The following TRIM71 variants were observed in gnomAD, a reference collection of about 807,000 sequenced individuals.
TRIM71 encodes the protein E3 ubiquitin-protein ligase TRIM71.
A neutral mutation model predicts 61.2 loss-of-function variants in TRIM71; 9 were observed. The observed-to-expected ratio is 0.15, with a 90% confidence interval of 0.09 to 0.26. The LOEUF (loss-of-function observed/expected upper bound fraction) is 0.26. TRIM71 is among the 10% of genes least tolerant of loss of function. The pLI, the probability that TRIM71 is intolerant of heterozygous loss-of-function variation, is 1.00. For synonymous variants in TRIM71, 645 were observed against 553.2 expected (o/e 1.17, Z -2.33); for missense variants, 998 against 1,238.7 (o/e 0.81, Z 2.92).
At chr3:32,834,053 T>A (rs1040439646) in intron 1 of TRIM71, among the ~76,000 whole-genome samples, 1 of 152,162 alleles carries the variant, frequency 6.6e-6, no homozygotes, top group African/African-American at 2.4e-5. Flanking sequence ...TAAAACCACA[T>A]AGGTGCTGGA....
At chr3:32,821,420 C>T (rs1031085344) in intron 1 of TRIM71, among the ~76,000 whole-genome samples, 1 of 152,090 alleles carries the variant, frequency 6.6e-6, no homozygotes, top group Admixed American at 6.6e-5. Flanking sequence ...ACACCCTACC[C>T]CAGCCTGCAG....
chr3:32,832,499 TG>T (rs1052201177), intron 1 of TRIM71, among the ~76,000 whole-genome samples: 8 of 152,056 alleles, frequency 5.3e-5, no homozygotes, highest in African/African-American at 1.9e-4. Context: ...TAAGTTCAGA[TG>T]GGGAGATGAG....
chr3:32,875,468 G>C (rs1397377136), intron 2 of TRIM71, among the ~76,000 whole-genome samples: 1 of 152,186 alleles, frequency 6.6e-6, no homozygotes, highest in African/African-American at 2.4e-5. Flanking sequence ...CCCTCTAGGA[G>C]AAGAAAAATT....
At chr3:32,826,930 T>A (rs1559536981) in intron 1 of TRIM71, among the ~76,000 whole-genome samples, 1 of 151,710 alleles carries the variant, frequency 6.6e-6, no homozygotes, top group Non-Finnish European at 1.5e-5. Context: ...GCCCGGCTAA[T>A]TGTTTTTGTA....
At chr3:32,886,808 A>G (rs1696967486) in intron 3 of TRIM71, among the ~76,000 whole-genome samples, 1 of 152,154 alleles carries the variant, frequency 6.6e-6, no homozygotes, top group African/African-American at 2.4e-5. Flanking sequence ...AGTTTCTGCA[A>G]GTGAACTTTG....
intron 1 of TRIM71, among the ~76,000 whole-genome samples, chr3:32,861,671 A>G (rs977382871): frequency 7.2e-5 from 11 of 152,186 alleles, no homozygotes; most frequent in African/African-American, 2.7e-4. Context: ...TTACTTACAG[A>G]GAAAGATGTC....
intron 1 of TRIM71, among the ~76,000 whole-genome samples, chr3:32,822,082 C>T (rs114209930): frequency 6.6e-6 from 1 of 152,108 alleles, no homozygotes; most frequent in East Asian, 1.9e-4. Flanking sequence ...GAGGCGACAC[C>T]GGCAGCAGAA....
intron 1 of TRIM71, among the ~76,000 whole-genome samples, chr3:32,832,025 A>G (rs1696278382): frequency 6.6e-6 from 1 of 152,174 alleles, no homozygotes. Context: ...AGCAGTCTAC[A>G]TCCTGTTCCT....
intron 1 of TRIM71, among the ~76,000 whole-genome samples, chr3:32,864,628 T>C (rs1173217213): frequency 2.6e-5 from 4 of 152,152 alleles, no homozygotes; most frequent in Admixed American, 2.6e-4. Context: ...GTCAACAGGG[T>C]CCTGACACCC....
At chr3:32,831,162 G>A (rs116492029) in intron 1 of TRIM71, among the ~76,000 whole-genome samples, 6 of 152,106 alleles carry the variant, frequency 3.9e-5, no homozygotes, top group African/African-American at 1.2e-4. Context: ...GACCGTGGGG[G>A]ATTTTGGAGA....
chr3:32,864,416 CTGGTGGGCCA>C (rs1430054035), intron 1 of TRIM71, among the ~76,000 whole-genome samples: 1 of 152,150 alleles, frequency 6.6e-6, no homozygotes, highest in African/African-American at 2.4e-5. Context: ...AGGTGGTGGG[CTGGTGGGCCA>C]TGAGTTTGCC....
intron 1 of TRIM71, among the ~76,000 whole-genome samples, chr3:32,842,009 A>G (rs1372581696): frequency 6.6e-6 from 1 of 152,082 alleles, no homozygotes; most frequent in Non-Finnish European, 1.5e-5. Context: ...GCTTCTGAGC[A>G]CCTGTCTCTA....
chr3:32,848,512 A>G (rs1696500655), intron 1 of TRIM71, among the ~76,000 whole-genome samples: 1 of 152,176 alleles, frequency 6.6e-6, no homozygotes, highest in African/African-American at 2.4e-5. Context: ...CGAAGAAATA[A>G]GGGGATTGTC....
At chr3:32,819,601 G>T (rs904606121) in intron 1 of TRIM71, among the ~76,000 whole-genome samples, 3 of 152,194 alleles carry the variant, frequency 2.0e-5, no homozygotes, top group Admixed American at 6.5e-5. Flanking sequence ...CTCTGCGGCT[G>T]CTTCCTATAT....
intron 1 of TRIM71, among the ~76,000 whole-genome samples, chr3:32,852,136 C>T (rs372512917): frequency 2.0e-5 from 3 of 152,120 alleles, no homozygotes; most frequent in East Asian, 3.9e-4. Context: ...CGGCCTTGGA[C>T]CAAACTGGTC....
chr3:32,857,018 C>T lies in TRIM71; in HGVS notation c.853-16800C>T, dbSNP rs74916428. On this transcript the variant is annotated intron_variant, in intron 1 of 3. Transcript: ENST00000383763. The stretch of plus-strand genomic sequence containing the variant: ...AGAAGGACCACTCAACATTTGAACC[C>T]GGGTTTTCTGACTCCACAACACAAG... Among the ~76,000 whole-genome samples the T allele has an allele frequency of 1.0e-2, 1,522 of 152,238 alleles. 15 individuals carry two copies. Among genetic ancestry groups the T allele is most frequent in the Non-Finnish European group, 0.017 (1,179 of 68,024 alleles).
chr3:32,839,238 G>GT (rs200087991), intron 1 of TRIM71, among the ~76,000 whole-genome samples: 63 of 150,888 alleles, frequency 4.2e-4, no homozygotes, highest in Non-Finnish European at 7.4e-4. Context: ...AGTGACATGA[G>GT]TTTTTTTTTG....
intron 1 of TRIM71, among the ~76,000 whole-genome samples, chr3:32,851,718 G>C (rs916443485): frequency 1.3e-5 from 2 of 152,078 alleles, no homozygotes; most frequent in Non-Finnish European, 2.9e-5. Flanking sequence ...ATCTCAGGTG[G>C]TCTGCCTGCC....
Position 32,818,308 on chromosome 3 carries a change from G to A in TRIM71, c.228G>A (p.Pro76=), listed in dbSNP as rs2125671776. The A allele has an allele frequency of 7.0e-7, 1 of 1,433,720 alleles. No homozygotes were observed. Among genetic ancestry groups the A allele is most frequent in the Non-Finnish European group, 9.1e-7 (1 of 1,098,948 alleles). The allele number at this position is 1,433,720 out of a possible 1,614,324, so 88.8% of individuals were successfully genotyped here. The change falls in exon 1 of 4, where the codon CCG becomes CCA. Residue 76 remains proline (P), a synonymous_variant. Transcript: ENST00000383763. ...CCTGCCTCGAGGCGCACCGGCTGCC[G>A]GCGGCGGGCGGCGGCGCGGCGGGAG... ...CRPCLEAHRL[P]AAGGGAAGEP...
Sources: gnomAD v4.1 joint callset for allele counts (sites outside exome capture counted in the v4.1 genomes callset) on GRCh38, gnomAD v4.1.1 for gene constraint, MANE v1.5 for transcripts, NCBI Gene and HGNC (gene_info 2026-07-23, HGNC 2026-07-21) for gene names.